The following ATXN3 variants were observed in gnomAD, a reference collection of about 807,000 sequenced individuals.
ATXN3 encodes the protein ataxin 3, also known as ataxin-3.
Under a neutral mutation model 58.2 loss-of-function variants are expected in ATXN3, and 28 were observed. The observed-to-expected ratio is 0.48, with a 90% confidence interval of 0.36 to 0.66. ATXN3 has a LOEUF of 0.66. Among genes scored for constraint, ATXN3 ranks in the 30% least tolerant of loss-of-function variants. ATXN3 has a pLI of 0.00. For missense variants in ATXN3, 321 were observed against 422.1 expected, an observed-to-expected ratio of 0.76 and a Z score of 2.10; for synonymous variants, 113 against 138.5, an observed-to-expected ratio of 0.82 and a Z score of 1.29.
At chr14:92,069,172 G>A (rs7146985) in intron 10 of ATXN3, among the ~76,000 whole-genome samples, 40,639 of 149,578 alleles carry the variant, frequency 0.27, 5,752 homozygotes, top group East Asian at 0.44. Context: ...TCCGCCTCCC[G>A]GGTTCAAGTG....
chr14:92,095,350 T>G (rs1291120815), intron 3 of ATXN3, among the ~76,000 whole-genome samples: 1 of 152,030 alleles, frequency 6.6e-6, no homozygotes, highest in Non-Finnish European at 1.5e-5. Flanking sequence ...TTCAAGCGAT[T>G]CTCCTGCCTC....
At chr14:92,053,779 G>A (rs867435329), downstream of ATXN3, among the ~76,000 whole-genome samples, 2 of 151,974 alleles carry the variant, frequency 1.3e-5, no homozygotes, top group African/African-American at 2.4e-5. Context: ...GATGACAGGT[G>A]TAAGCCACCA....
At chr14:92,071,097 A>G in intron 9 of ATXN3, 44 bp from the exon 10 acceptor site, 1 of 1,515,766 alleles carries the variant, frequency 6.6e-7, no homozygotes, top group Non-Finnish European at 8.8e-7. Context: ...ACAAAACTTA[A>G]AAGAATAAAT....
intron 1 of ATXN3, among the ~76,000 whole-genome samples, chr14:92,101,016 A>T (rs1376914717): frequency 6.8e-6 from 1 of 147,920 alleles, no homozygotes; most frequent in Non-Finnish European, 1.5e-5. Flanking sequence ...TATTTGATTA[A>T]AATTCTCTCT....
chr14:92,081,942 A>G (rs1450818911), intron 8 of ATXN3, among the ~76,000 whole-genome samples: 4 of 152,210 alleles, frequency 2.6e-5, no homozygotes, highest in Non-Finnish European at 4.4e-5. Flanking sequence ...AAATCAGTTT[A>G]TATTCCCTGT....
At chr14:92,055,708 C>T (rs1434072578), downstream of ATXN3, among the ~76,000 whole-genome samples, 1 of 152,232 alleles carries the variant, frequency 6.6e-6, no homozygotes, top group Non-Finnish European at 1.5e-5. The surrounding 1 kb of genome is among the most constrained non-coding windows in gnomAD (Gnocchi z 4.5). Flanking sequence ...TGCCTGTCAT[C>T]CCAGAACTTT....
In ATXN3 at chr14:92,058,669, C is replaced by T. The variant is rs1411399064; in HGVS notation, c.*5651G>A. On this transcript the variant is annotated 3_prime_UTR_variant, in exon 11 of 11. Transcript: ENST00000644486. Reference sequence around the variant, plus strand: ...ACAGTGCTTTGGAAGCCCGGCTTTTCTAACGACCAGACAGGAAGGCCTGTG... The same window carrying T: ...ACAGTGCTTTGGAAGCCCGGCTTTTTTAACGACCAGACAGGAAGGCCTGTG... 1 of 152,222 alleles carries T rather than the reference C, an allele frequency of 6.6e-6. No homozygotes were observed. The highest frequency in any genetic ancestry group is 1.5e-5 in the Non-Finnish European group (1 of 68,056). The allele number at this position is 152,222 out of a possible 1,614,324, so 9.4% of individuals were successfully genotyped here. A position where few individuals can be genotyped will look rare whatever the true frequency, so the allele number is the denominator to read the frequency against.
At chr14:92,086,967 C>A (rs1368131830) in intron 6 of ATXN3, among the ~76,000 whole-genome samples, 1 of 151,946 alleles carries the variant, frequency 6.6e-6, no homozygotes, top group African/African-American at 2.4e-5. Flanking sequence ...TAAATAGGCT[C>A]AAAGCACAGG....
chr14:92,066,661 A>G (rs1345003877), intron 10 of ATXN3, among the ~76,000 whole-genome samples: 1 of 138,320 alleles, frequency 7.2e-6, no homozygotes, highest in African/African-American at 2.7e-5. Context: ...AGGCTGGAGT[A>G]CAGTGGCATG....
Position 92,060,270 on chromosome 14 carries a change from A to ATATATTTTT in ATXN3, c.*4049_*4050insAAAAATATA, listed in dbSNP as rs1555392594. ...CACACATATATATATATATATATAT[A>ATATATTTTT]TTTTTTTTTTTCAGAAACAGTGTCT... On this transcript the variant is annotated 3_prime_UTR_variant, in exon 11 of 11. Coordinates refer to ENST00000644486, the MANE Select transcript of ATXN3 (RefSeq NM_004993.6). The ATATATTTTT allele has an allele frequency of 1.7e-5, 2 of 117,404 alleles. No individual in the cohort carries two copies. Among genetic ancestry groups the ATATATTTTT allele is most frequent in the African/African-American group, 3.5e-5 (1 of 28,336 alleles). 7.3% of individuals were successfully genotyped at this position (117,404 alleles called of 1,614,324 possible). A position where few individuals can be genotyped will look rare whatever the true frequency, so the allele number is the denominator to read the frequency against.
At chr14:92,101,589 GGCT>G (rs2066800104) in intron 1 of ATXN3, among the ~76,000 whole-genome samples, 1 of 152,184 alleles carries the variant, frequency 6.6e-6, no homozygotes, top group African/African-American at 2.4e-5. Context: ...TGGGCATGGT[GGCT>G]CATGGCTGTA....
chr14:92,075,325 C>T (rs909875554), intron 9 of ATXN3, among the ~76,000 whole-genome samples: 13 of 151,994 alleles, frequency 8.6e-5, no homozygotes, highest in African/African-American at 2.7e-4. Flanking sequence ...CCACCATACT[C>T]GGCTAATTTT....
intron 5 of ATXN3, 72 bp downstream of exon 5, chr14:92,093,180 C>T (rs2064283364): frequency 9.5e-7 from 1 of 1,052,840 alleles, no homozygotes; most frequent in East Asian, 2.7e-5. Flanking sequence ...AGCCACCACA[C>T]CTGGCCCACA....
downstream of ATXN3, among the ~76,000 whole-genome samples, chr14:92,054,260 G>A (rs1406515495): frequency 6.6e-6 from 1 of 152,152 alleles, no homozygotes; most frequent in African/African-American, 2.4e-5. Context: ...TAGGAGCTGG[G>A]TAAAATGAGG....
At chr14:92,095,502 CA>C (rs1276360456) in intron 3 of ATXN3, among the ~76,000 whole-genome samples, 1 of 142,976 alleles carries the variant, frequency 7.0e-6, no homozygotes, top group Non-Finnish European at 1.5e-5. Context: ...TCGGCCTCCC[CA>C]AAGTGCTGGG....
Position 92,064,353 on chromosome 14 carries a change from G to C in ATXN3, c.1053C>G (p.Val351=), listed in dbSNP as rs1346084041. The C allele has an allele frequency of 3.1e-6, 5 of 1,612,152 alleles. No individual in the cohort carries two copies. Among genetic ancestry groups the C allele is most frequent in the Non-Finnish European group, 4.2e-6 (5 of 1,178,730 alleles). ...QAAVTMSLET[V]RNDLKTEGKK ...TTCCTTCTGTTTTCAAATCATTTCTGACAGTTTCTAAAGACATGGTCACAG... is the reference window on the plus strand; with the variant it reads ...TTCCTTCTGTTTTCAAATCATTTCTCACAGTTTCTAAAGACATGGTCACAG... Residue 351 remains valine (V), a synonymous_variant, in exon 11 of 11, where the codon GTC becomes GTG. Coordinates refer to ENST00000644486, the MANE Select transcript of ATXN3 (RefSeq NM_004993.6).
intron 5 of ATXN3, 53 bp from the exon 6 acceptor site, chr14:92,088,870 A>G (rs950278899): frequency 9.8e-7 from 1 of 1,016,432 alleles, no homozygotes; most frequent in African/African-American, 1.6e-5. Flanking sequence ...GTAATAAGGA[A>G]GTTTCACATG....
chr14:92,075,306 A>T (rs915758202), intron 9 of ATXN3, among the ~76,000 whole-genome samples: 2 of 151,970 alleles, frequency 1.3e-5, no homozygotes, highest in Non-Finnish European at 2.9e-5. Context: ...CTAGGATTAC[A>T]GGCGCCCGCC....
chr14:92,090,681 G>A (rs1352647410), intron 5 of ATXN3: 4 of 152,074 alleles, frequency 2.6e-5, no homozygotes, highest in East Asian at 3.9e-4. Flanking sequence ...CAAAGATAAC[G>A]TAATTCAAAA....
Sources: gnomAD v4.1 joint callset for allele counts (sites outside exome capture counted in the v4.1 genomes callset) on GRCh38, gnomAD v4.1.1 for gene constraint, Gnocchi (gnomAD v3.1) non-coding constraint, MANE v1.5 for transcripts, NCBI Gene and HGNC (gene_info 2026-07-23, HGNC 2026-07-21) for gene names.